The following DPY19L1 variants were observed in gnomAD, a reference collection of about 807,000 sequenced individuals.
DPY19L1 encodes the protein protein C-mannosyl-transferase DPY19L1.
Under a neutral mutation model 96.9 loss-of-function variants are expected in DPY19L1, and 35 were observed. The ratio of observed to expected loss-of-function variants is 0.36; its 90% CI spans 0.28 to 0.48. DPY19L1 has a LOEUF of 0.48. DPY19L1 is among the 20% of genes least tolerant of loss of function. The probability of loss-of-function intolerance (pLI) is 0.99; values close to 1 mark genes in which losing one functional copy is unlikely to be tolerated. For missense variants in DPY19L1, 521 were observed against 777.9 expected, an observed-to-expected ratio of 0.67 and a Z score of 3.93; for synonymous variants, 205 against 252.6, an observed-to-expected ratio of 0.81 and a Z score of 1.79.
intron 21 of DPY19L1, among the ~76,000 whole-genome samples, chr7:34,934,995 T>C (rs34817812): frequency 6.6e-6 from 1 of 152,214 alleles, no homozygotes; most frequent in Non-Finnish European, 1.5e-5. Context: ...GTTTTGCCAG[T>C]GAGTGTTCCC....
intron 13 of DPY19L1, among the ~76,000 whole-genome samples, chr7:34,952,760 G>C (rs1392220276): frequency 6.6e-6 from 1 of 151,654 alleles, no homozygotes; most frequent in African/African-American, 2.4e-5. Context: ...TTCCAAATAC[G>C]GCAGAGTGAA....
intron 21 of DPY19L1, among the ~76,000 whole-genome samples, chr7:34,933,195 C>A (rs188689847): frequency 1.3e-5 from 2 of 151,942 alleles, no homozygotes; most frequent in African/African-American, 4.8e-5. Flanking sequence ...TTTGGTTACA[C>A]GGATAAGTTA....
At chr7:34,945,573 G>A in intron 16 of DPY19L1, 94 bp downstream of exon 16, 1 of 872,324 alleles carries the variant, frequency 1.1e-6, no homozygotes, top group Non-Finnish European at 1.8e-6. Context: ...TCAAATATTA[G>A]GTACACAACA....
chr7:34,974,363 C>A (rs1351237293), intron 7 of DPY19L1, among the ~76,000 whole-genome samples: 1 of 152,152 alleles, frequency 6.6e-6, no homozygotes, highest in African/African-American at 2.4e-5. Context: ...TCTTTCAATG[C>A]AAGCACGGGT....
intron 1 of DPY19L1, among the ~76,000 whole-genome samples, chr7:35,026,869 C>T (rs1295024560): frequency 6.6e-6 from 1 of 152,172 alleles, no homozygotes; most frequent in East Asian, 1.9e-4. Flanking sequence ...TCAAGTTATT[C>T]AGCCTCTCAG....
intron 6 of DPY19L1, among the ~76,000 whole-genome samples, chr7:34,995,112 T>C (rs1785254400): frequency 6.6e-6 from 1 of 152,168 alleles, no homozygotes; most frequent in South Asian, 2.1e-4. Context: ...CCAAGGAATG[T>C]TCTGAGTTAG....
At position 34,949,857 on chromosome 7, in the gene DPY19L1, A is replaced by G. The variant is rs1296747893; in HGVS notation, c.1362T>C (p.Tyr454=). ...GNLLTSKFFS[Y]KDFDTLLYTC... is the part of the protein sequence containing the mutation. ...TATACAATAAAGTATCAAAATCCTT[A>G]TAACTAAAGAATTTTGATGTTAGTA... Residue 454 remains tyrosine (Y), a synonymous_variant, in exon 14 of 22, where the codon TAT becomes TAC. Transcript: ENST00000638088. 1 of 1,601,634 alleles carries G rather than the reference A, an allele frequency of 6.2e-7. No individual in the cohort carries two copies. Among genetic ancestry groups the G allele is most frequent in the Non-Finnish European group, 8.5e-7 (1 of 1,175,264 alleles).
chr7:34,940,136 CTTTTT>C lies in DPY19L1; in HGVS notation c.1864+12_1864+16del. On this transcript the variant is annotated intron_variant, in intron 19 of 21. Transcript: ENST00000638088. ...AGCTAAATAATATGACTTTTTTTTT[CTTTTT>C]TTTTTTTTTACCTGGTTTAGTACTA... is the stretch of plus-strand genomic sequence containing the variant. 1.6e-6 allele frequency: 2 copies of C among 1,258,190 alleles called. No individual in the cohort carries two copies. The highest frequency in any genetic ancestry group is 3.6e-5 in the Admixed American group (1 of 28,136). The allele number at this position is 1,258,190 out of a possible 1,614,324, so 77.9% of individuals were successfully genotyped here.
intron 6 of DPY19L1, among the ~76,000 whole-genome samples, chr7:34,999,345 C>A (rs1262524043): frequency 1.3e-5 from 2 of 152,282 alleles, no homozygotes; most frequent in East Asian, 3.9e-4. Context: ...TAAAAATCAA[C>A]AACCAGGCAA....
intron 6 of DPY19L1, among the ~76,000 whole-genome samples, chr7:34,994,916 A>C (rs1341567766): frequency 6.6e-6 from 1 of 152,066 alleles, no homozygotes; most frequent in Non-Finnish European, 1.5e-5. Flanking sequence ...AGGTTGGACA[A>C]TTTCCTGAGG....
intron 13 of DPY19L1, among the ~76,000 whole-genome samples, chr7:34,951,965 T>G (rs540253586): frequency 6.0e-5 from 9 of 151,114 alleles, no homozygotes; most frequent in Admixed American, 5.9e-4. Flanking sequence ...AATAGAAAAC[T>G]TGAATAGAAC....
At position 35,025,356 on chromosome 7, in the gene DPY19L1, G is replaced by A. The variant is rs182261170; in HGVS notation, c.299-6760C>T. 4.2e-3 allele frequency among the ~76,000 whole-genome samples: 641 copies of A among 152,190 alleles called. 7 individuals are homozygous for A. The highest frequency in any genetic ancestry group is 4.7e-3 in the Admixed American group (72 of 15,298). ...CTTTGCCCTTAAAGATAAAATCTTT[G>A]AGAGATAAGATTTAGGTACATAAAA... On this transcript the variant is annotated intron_variant, in intron 1 of 21. Coordinates refer to ENST00000638088, the MANE Select transcript of DPY19L1 (RefSeq NM_001366673.1).
Position 34,939,295 on chromosome 7 carries a change from A to T in DPY19L1, c.1945T>A (p.Tyr649Asn). 6.2e-7 allele frequency: 1 copy of T among 1,613,592 alleles called. No homozygotes were observed. The highest frequency in any genetic ancestry group is 8.5e-7 in the Non-Finnish European group (1 of 1,179,906). Residue 649 changes from tyrosine (Y) to asparagine (N), a missense_variant, in exon 20 of 22, where the codon TAT becomes AAT. Coordinates refer to ENST00000638088, the MANE Select transcript of DPY19L1 (RefSeq NM_001366673.1). ...ACTGACCTCAAGCCTGCGTCTTCAT[A>T]ATGTGGATGATTCACAATGGGCCGA... is the stretch of plus-strand genomic sequence containing the variant. ...ALRPIVNHPHYEDAGLRARTK... is the reference protein window; with the variant it reads ...ALRPIVNHPHNEDAGLRARTK...
At chr7:34,948,997 C>T (rs1158684829) in intron 14 of DPY19L1, among the ~76,000 whole-genome samples, 1 of 152,102 alleles carries the variant, frequency 6.6e-6, no homozygotes, top group African/African-American at 2.4e-5. Flanking sequence ...ATGAGGGAAA[C>T]TAACATGTCA....
At chr7:35,003,627 AT>A (rs1316521867) in intron 6 of DPY19L1, among the ~76,000 whole-genome samples, 4 of 152,174 alleles carry the variant, frequency 2.6e-5, no homozygotes, top group Non-Finnish European at 4.4e-5. Flanking sequence ...TGGCCACTAC[AT>A]TTCTGCCAGA....
upstream of DPY19L1, chr7:35,037,747 C>G: frequency 9.8e-7 from 1 of 1,022,466 alleles, no homozygotes; most frequent in South Asian, 4.7e-5. Flanking sequence ...GCGCTCCAGG[C>G]CGGCCAGCGC....
At chr7:34,974,286 G>A (rs950984115) in intron 7 of DPY19L1, among the ~76,000 whole-genome samples, 15 of 152,030 alleles carry the variant, frequency 9.9e-5, no homozygotes, top group Non-Finnish European at 5.9e-5. Flanking sequence ...TCCTTCCATC[G>A]ACAGAAAACC....
rs937967777 is a variant in DPY19L1, at chr7:35,010,616, G to T, written c.671-55C>A. 43 of 1,049,058 alleles carry T rather than the reference G, an allele frequency of 4.1e-5. No homozygotes were observed. The African/African-American group carries it at 5.7e-4, about 14-fold the overall frequency. 65.0% of individuals were successfully genotyped at this position (1,049,058 alleles called of 1,614,324 possible). On this transcript the variant is annotated intron_variant, in intron 5 of 21. Transcript: ENST00000638088. ...ATCACATTAACCCAAATTACCTTAC[G>T]TGTCTAGCAATTTATATTAAATTGT...
At chr7:35,021,739 T>G (rs1785999182) in intron 1 of DPY19L1, among the ~76,000 whole-genome samples, 1 of 152,172 alleles carries the variant, frequency 6.6e-6, no homozygotes, top group East Asian at 1.9e-4. Context: ...ACTGCATGGC[T>G]GTTGTAGAAA....
Sources: allele counts gnomAD v4.1 joint callset (sites outside exome capture counted in the v4.1 genomes callset), GRCh38; gene constraint gnomAD v4.1.1; transcripts MANE v1.5; gene names NCBI Gene and HGNC (gene_info 2026-07-23, HGNC 2026-07-21).